TMEM108: variants seen among roughly 807,000 people sequenced by gnomAD.
The protein encoded by TMEM108 is transmembrane protein 108, also known as cancer/testis antigen 124.
In TMEM108, 12 loss-of-function variants were observed where a neutral mutation model predicts 35.1. That is an observed-to-expected ratio of 0.34 (90% CI 0.22 to 0.55). TMEM108 has a LOEUF of 0.55. Among genes scored for constraint, TMEM108 ranks in the 20% least tolerant of loss-of-function variants. TMEM108 has a pLI of 0.89. For synonymous variants in TMEM108, 287 were observed against 308.6 expected (o/e 0.93, Z 0.73); for missense variants, 680 against 753.3 (o/e 0.90, Z 1.14).
intron 3 of TMEM108, among the ~76,000 whole-genome samples, chr3:133,314,690 T>G (rs1303007904): frequency 6.6e-6 from 1 of 152,198 alleles, no homozygotes. Context: ...TGCTGGTGCT[T>G]TGTAGCATGG....
At chr3:133,249,456 C>A (rs1946434641) in intron 3 of TMEM108, among the ~76,000 whole-genome samples, 1 of 152,154 alleles carries the variant, frequency 6.6e-6, no homozygotes, top group African/African-American at 2.4e-5. Flanking sequence ...TTTACTGCTC[C>A]TCCTTCCCTC....
chr3:133,359,434 C>CT (rs2072277330), intron 3 of TMEM108, among the ~76,000 whole-genome samples: 1 of 152,142 alleles, frequency 6.6e-6, no homozygotes, highest in Non-Finnish European at 1.5e-5. Context: ...GGAAATGGCT[C>CT]TTTAACAATA....
rs371655988 is a variant in TMEM108 at position 133,243,669 on chromosome 3, T to C, written c.40+14318T>C. Among the ~76,000 whole-genome samples the C allele has an allele frequency of 4.2e-4, 64 of 152,136 alleles. No individual in the cohort carries two copies. In the East Asian group the frequency reaches 5.4e-3, roughly 13 times the overall value. The stretch of plus-strand genomic sequence containing the variant: ...TCGAGTAGCTGGGACTACAGGCGCC[T>C]GCCACCACGCCCGGCTAATTTTTTG... On this transcript the variant is annotated intron_variant, in intron 3 of 5. Coordinates refer to ENST00000321871, the MANE Select transcript of TMEM108 (RefSeq NM_023943.4).
chr3:133,368,102 G>C (rs2072551835), intron 3 of TMEM108, among the ~76,000 whole-genome samples: 1 of 152,186 alleles, frequency 6.6e-6, no homozygotes, highest in Admixed American at 6.5e-5. Context: ...CAAAGGTCCT[G>C]TTATGCTCTC....
In TMEM108 at chr3:133,108,051, G is replaced by A. The variant is rs1023369262; in HGVS notation, c.-47+62031G>A. 7.2e-5 allele frequency among the ~76,000 whole-genome samples: 11 copies of A among 152,248 alleles called. No homozygotes were observed. The East Asian group carries it at 2.1e-3, about 29-fold the overall frequency. On this transcript the variant is annotated intron_variant, in intron 2 of 5. Coordinates refer to ENST00000321871, the MANE Select transcript of TMEM108 (RefSeq NM_023943.4). The stretch of plus-strand genomic sequence containing the variant: ...GTTCAAGATCAGCCTGGCCAACATG[G>A]TGAAACCCATCTCTACTAAAAATAC...
chr3:133,193,619 C>T (rs1041289514), intron 2 of TMEM108, among the ~76,000 whole-genome samples: 5 of 152,144 alleles, frequency 3.3e-5, no homozygotes, highest in Admixed American at 2.0e-4. Context: ...GAAACAGTCC[C>T]ATCTGGCATG....
chr3:133,366,469 G>T (rs11718154), intron 3 of TMEM108, among the ~76,000 whole-genome samples: 6,856 of 152,292 alleles, frequency 0.045, 190 homozygotes, highest in Non-Finnish European at 0.064. Context: ...AGCCTTCCCA[G>T]GTTCCTCCAG....
At chr3:133,076,763 T>C (rs1943747389) in intron 2 of TMEM108, among the ~76,000 whole-genome samples, 1 of 152,216 alleles carries the variant, frequency 6.6e-6, no homozygotes, top group Non-Finnish European at 1.5e-5. Flanking sequence ...TAGGAAGGCT[T>C]TGGCAATGGG....
chr3:133,085,657 A>G (rs1249377869), intron 2 of TMEM108, among the ~76,000 whole-genome samples: 3 of 152,214 alleles, frequency 2.0e-5, no homozygotes, highest in Admixed American at 6.5e-5. Context: ...GCATAAACCC[A>G]TTAATCTTTG....
Position 133,390,326 on chromosome 3 carries a change from A to G in TMEM108, c.1597A>G (p.Thr533Ala), listed in dbSNP as rs773728790. Residue 533 changes from threonine to alanine, a missense_variant, in exon 5 of 6, where the codon ACC becomes GCC. Transcript: ENST00000321871. ...GCCCAGGGAGATCCAGTCCCTTGAAACCTCTGAGGTAATGAGCTTGAAAGT... is the reference window on the plus strand; with the variant it reads ...GCCCAGGGAGATCCAGTCCCTTGAAGCCTCTGAGGTAATGAGCTTGAAAGT... ...ELPREIQSLE[T>A]SEDQLSEPRS... 1 of 1,613,838 alleles carries G rather than the reference A, an allele frequency of 6.2e-7. No homozygotes were observed. Among genetic ancestry groups the G allele is most frequent in the Non-Finnish European group, 8.5e-7 (1 of 1,179,964 alleles).
chr3:133,368,218 T>C (rs1308035027), intron 3 of TMEM108, among the ~76,000 whole-genome samples: 1 of 152,186 alleles, frequency 6.6e-6, no homozygotes, highest in Non-Finnish European at 1.5e-5. Flanking sequence ...CTTGCATCTC[T>C]AGGGTGTGCC....
At chr3:133,199,833 G>C (rs977332463) in intron 2 of TMEM108, among the ~76,000 whole-genome samples, 9 of 152,180 alleles carry the variant, frequency 5.9e-5, no homozygotes, top group African/African-American at 2.2e-4. Context: ...AGTTTCTGCT[G>C]CCTTTTTTTC....
At chr3:133,176,797 G>T (rs1300688933) in intron 2 of TMEM108, among the ~76,000 whole-genome samples, 1 of 151,942 alleles carries the variant, frequency 6.6e-6, no homozygotes, top group East Asian at 1.9e-4. Flanking sequence ...CTAGCAGAAG[G>T]CAAGAAATAA....
intron 3 of TMEM108, among the ~76,000 whole-genome samples, chr3:133,319,408 G>A (rs1042829950): frequency 1.3e-5 from 2 of 152,156 alleles, no homozygotes; most frequent in Non-Finnish European, 2.9e-5. Flanking sequence ...ACGACCTCCT[G>A]GCTGTAGGCC....
At chr3:133,071,378 A>G (rs114219617) in intron 2 of TMEM108, among the ~76,000 whole-genome samples, 4,187 of 152,104 alleles carry the variant, frequency 0.028, 98 homozygotes, top group South Asian at 0.061. Flanking sequence ...TCTGTGTCAA[A>G]ATTTCTTCCT....
chr3:133,185,367 T>C (rs1486173592), intron 2 of TMEM108, among the ~76,000 whole-genome samples: 1 of 152,040 alleles, frequency 6.6e-6, no homozygotes, highest in Non-Finnish European at 1.5e-5. Context: ...GCTTTTGGTT[T>C]AACTACTGCA....
chr3:133,387,355 A>C (rs1452108413), intron 4 of TMEM108: 1 of 985,358 alleles, frequency 1.0e-6, no homozygotes, highest in African/African-American at 1.7e-5. Context: ...GGCTTTCAGT[A>C]AGTAAATGAA....
chr3:133,160,353 C>T (rs550816199), intron 2 of TMEM108, among the ~76,000 whole-genome samples: 63 of 152,318 alleles, frequency 4.1e-4, no homozygotes, highest in African/African-American at 1.4e-3. Flanking sequence ...GTTCCCAGAC[C>T]TCAACATAGG....
intron 2 of TMEM108, among the ~76,000 whole-genome samples, chr3:133,186,344 C>T (rs1351194312): frequency 6.6e-6 from 1 of 152,198 alleles, no homozygotes; most frequent in Non-Finnish European, 1.5e-5. Context: ...TGTTGCTTAA[C>T]TTCCCAGAAA....
Sources: allele counts gnomAD v4.1 joint callset (sites outside exome capture counted in the v4.1 genomes callset), GRCh38; gene constraint gnomAD v4.1.1; transcripts MANE v1.5; gene names NCBI Gene and HGNC (gene_info 2026-07-23, HGNC 2026-07-21).